Variants in SHE observed in about 807,000 individuals in gnomAD.
The protein encoded by SHE is Src homology 2 domain containing E, also known as SH2 domain-containing adapter protein E.
In SHE, 11 loss-of-function variants were observed where a neutral mutation model predicts 49.8. That is an observed-to-expected ratio of 0.22 (90% CI 0.14 to 0.37). The LOEUF (loss-of-function observed/expected upper bound fraction) is 0.37, where lower values mean the gene tolerates loss of function less well. SHE is among the 10% of genes least tolerant of loss of function. SHE has a pLI of 1.00. For missense variants in SHE, 624 were observed against 655.5 expected, an observed-to-expected ratio of 0.95 and a Z score of 0.52; for synonymous variants, 310 against 278.1, an observed-to-expected ratio of 1.11 and a Z score of -1.14.
At chr1:154,500,906 G>T (rs1692703013) in intron 1 of SHE, among the ~76,000 whole-genome samples, 1 of 152,128 alleles carries the variant, frequency 6.6e-6, no homozygotes, top group African/African-American at 2.4e-5. Flanking sequence ...CAGCAGTCTT[G>T]GAGATTTGCT....
At position 154,489,147 on chromosome 1, in the gene SHE, G is replaced by T. The variant is rs763409228; in HGVS notation, c.928C>A (p.Pro310Thr). 2 of 1,614,036 alleles carry T rather than the reference G, an allele frequency of 1.2e-6. No individual in the cohort carries two copies. The highest frequency in any genetic ancestry group is 1.1e-5 in the South Asian group (1 of 91,076). ...GPRAEGKARP[P>T]DSRLPENDER... ...TCGTTCTCGGGCAGCCGGCTGTCTG[G>T]GGGCCGCGCCTTCCCCTCTGCCCTG... The change falls in exon 3 of 6, where the codon CCA (proline) becomes ACA (threonine). Residue 310 changes from proline to threonine, a missense_variant. Pro to Thr is a conservative substitution (Grantham distance 38, BLOSUM62 -1). Transcript: ENST00000304760.
Position 154,484,090 on chromosome 1 carries a change from TTG to T in SHE, c.*57_*58del. 1 of 1,573,906 alleles carries T rather than the reference TTG, an allele frequency of 6.4e-7. No homozygotes were observed. On this transcript the variant is annotated 3_prime_UTR_variant, in exon 6 of 6. Coordinates refer to ENST00000304760, the MANE Select transcript of SHE (RefSeq NM_001010846.3). ...CCAGCCTTGTCCTCTGAGATGCTGG[TTG>T]TGCGCTGATGATGCCCTTGAAGGTG...
At chr1:154,499,260 C>T in intron 1 of SHE, 22 bp from the exon 2 acceptor site, 22 of 1,608,286 alleles carry the variant, frequency 1.4e-5, no homozygotes, top group Non-Finnish European at 1.9e-5. Context: ...CAAGAGAGGA[C>T]AGTTGCTAAG....
At chr1:154,493,569 G>A (rs917239834) in intron 2 of SHE, among the ~76,000 whole-genome samples, 12 of 152,212 alleles carry the variant, frequency 7.9e-5, no homozygotes, top group African/African-American at 2.9e-4. Context: ...GCTCAGCACT[G>A]ACCTGCACCT....
At position 154,501,774 on chromosome 1, in the gene SHE, A is replaced by G. The variant is rs1473176029; in HGVS notation, c.253T>C (p.Ser85Pro). 1 of 1,564,926 alleles carries G rather than the reference A, an allele frequency of 6.4e-7. No homozygotes were observed. Among genetic ancestry groups the G allele is most frequent in the Admixed American group, 1.8e-5 (1 of 54,816 alleles). The change falls in exon 1 of 6, where the codon TCG becomes CCG. Residue 85 changes from serine (S) to proline (P), a missense_variant. By Grantham distance (74) the Ser-to-Pro change is moderately conservative (BLOSUM62 -1). Coordinates refer to ENST00000304760, the MANE Select transcript of SHE (RefSeq NM_001010846.3). The part of the protein sequence containing the change: ...GPGPGKGRKN[S>P]AAELGSGRAG... ...CTGCCGCTCCCCAGCTCGGCCGCCG[A>G]GTTCTTGCGGCCCTTGCCAGGACCC...
chr1:154,494,734 A>G (rs1277519536), intron 2 of SHE, among the ~76,000 whole-genome samples: 1 of 152,156 alleles, frequency 6.6e-6, no homozygotes, highest in Non-Finnish European at 1.5e-5. Context: ...ATCTTTCTGA[A>G]CCTAGGTTTC....
chr1:154,491,654 T>C (rs1452052779), intron 2 of SHE, among the ~76,000 whole-genome samples: 1 of 152,166 alleles, frequency 6.6e-6, no homozygotes, highest in Non-Finnish European at 1.5e-5. Context: ...TTTATTACTG[T>C]AGGACATATC....
At position 154,501,455 on chromosome 1, in the gene SHE, A is replaced by T. The variant is rs1280761727; in HGVS notation, c.572T>A (p.Ile191Asn). Residue 191 changes from isoleucine (I) to asparagine (N), a missense_variant, in exon 1 of 6, where the codon ATT (isoleucine) becomes AAT (asparagine). By Grantham distance (149) the Ile-to-Asn change is moderately radical. This residue lies in a region of SHE where 337 missense variants were observed against 306.0 expected (regional missense o/e 1.10). Transcript: ENST00000304760. ...SLGPELDKGK[I>N]IKQQETVIIL... ...TCTTACCGTCTCTTGCTGCTTAATA[A>T]TCTTGCCCTTGTCCAGCTCGGGCCC... The T allele has an allele frequency of 1.2e-6, 2 of 1,614,164 alleles. No homozygotes were observed. Among genetic ancestry groups the T allele is most frequent in the Non-Finnish European group, 8.5e-7 (1 of 1,180,020 alleles).
chr1:154,470,258 C>T, exon 2 of SHE: 1 of 1,261,544 alleles, frequency 7.9e-7, no homozygotes, highest in Non-Finnish European at 1.0e-6. Context: ...GGCACTGGAG[C>T]CAGGACGTGG....
intron 1 of SHE, among the ~76,000 whole-genome samples, chr1:154,470,795 G>A (rs571429732): frequency 1.3e-5 from 2 of 152,082 alleles, no homozygotes; most frequent in South Asian, 2.1e-4. Flanking sequence ...AGATGAGATC[G>A]TGCCATTGCA....
At position 154,470,193 on chromosome 1, in the gene SHE, C is replaced by T. The variant is rs916248806; in HGVS notation, c.*148G>A. On this transcript the variant is annotated 3_prime_UTR_variant, in exon 2 of 2. Transcript: ENST00000486773. ...TGTCTTGCAGAAAGTGACACAGGGA[C>T]CAGATGTCACCCAGGTGGCCAGGCT... 1.0e-4 allele frequency: 60 copies of T among 593,780 alleles called. 2 individuals carry two copies. Among genetic ancestry groups the T allele is most frequent in the Non-Finnish European group, 3.0e-5 (11 of 368,856 alleles). 36.8% of individuals were successfully genotyped at this position (593,780 alleles called of 1,614,324 possible).
At chr1:154,469,905 G>T in exon 2 of SHE, 1 of 162,524 alleles carries the variant, frequency 6.2e-6, no homozygotes, top group South Asian at 1.6e-4. Flanking sequence ...GAAAAACTTG[G>T]GACACAGCCA....
intron 2 of SHE, among the ~76,000 whole-genome samples, chr1:154,497,672 A>G (rs1056101827): frequency 1.3e-5 from 2 of 150,740 alleles, no homozygotes; most frequent in Admixed American, 1.3e-4. Flanking sequence ...CACAGCAATG[A>G]TTTTTTTTTC....
At chr1:154,497,696 T>C (rs1349872253) in intron 2 of SHE, among the ~76,000 whole-genome samples, 4 of 152,190 alleles carry the variant, frequency 2.6e-5, no homozygotes, top group Non-Finnish European at 1.5e-5. Context: ...TCTTTTTTTT[T>C]TGAGACAGAG....
At chr1:154,497,616 A>G (rs553627019) in intron 2 of SHE, among the ~76,000 whole-genome samples, 3 of 152,326 alleles carry the variant, frequency 2.0e-5, no homozygotes, top group African/African-American at 7.2e-5. Context: ...AAAAGTTACA[A>G]GATTAGTCTT....
In SHE at chr1:154,483,332, T is replaced by C. The variant is rs878873960; in HGVS notation, c.*817A>G. The C allele has an allele frequency of 4.1e-6, 4 of 985,398 alleles. No individual in the cohort carries two copies. Among genetic ancestry groups the C allele is most frequent in the Non-Finnish European group, 4.8e-6 (4 of 829,914 alleles). The allele number at this position is 985,398 out of a possible 1,614,324, so 61.0% of individuals were successfully genotyped here. A position where few individuals can be genotyped will look rare whatever the true frequency, so the allele number is the denominator to read the frequency against. On this transcript the variant is annotated 3_prime_UTR_variant, in exon 6 of 6. Coordinates refer to ENST00000304760, the MANE Select transcript of SHE (RefSeq NM_001010846.3). ...ATTTCCATGAACTCCAGAGCTGAATTAGGACTTCTGAGGGAGAAAGACCAC... is the reference window on the plus strand; with the variant it reads ...ATTTCCATGAACTCCAGAGCTGAATCAGGACTTCTGAGGGAGAAAGACCAC...
rs751979473 is a variant in SHE at position 154,489,197 on chromosome 1, G to T, written c.878C>A (p.Pro293His). Residue 293 changes from proline (P) to histidine (H), a missense_variant, in exon 3 of 6, where the codon CCC becomes CAC. Pro to His is a moderately conservative substitution (Grantham distance 77). Around this residue, in one of 4 missense-constraint regions of SHE, gnomAD observed 155 missense variants for 142.0 expected, o/e 1.09. Coordinates refer to ENST00000304760, the MANE Select transcript of SHE (RefSeq NM_001010846.3). ...GGGCCCCCCTTCTGCAGGCTCGTAG[G>T]GAGTGTCGTATAGCTGTGGCGGCTT... Reference protein sequence around the residue: ...LGKPPQLYDTPYEPAEGGPRA... With the variant: ...LGKPPQLYDTHYEPAEGGPRA... 2.5e-6 allele frequency: 4 copies of T among 1,614,208 alleles called. No homozygotes were observed. The highest frequency in any genetic ancestry group is 3.4e-6 in the Non-Finnish European group (4 of 1,180,040).
At chr1:154,498,848 C>G (rs1023633907) in intron 2 of SHE, among the ~76,000 whole-genome samples, 8 of 152,214 alleles carry the variant, frequency 5.3e-5, no homozygotes, top group South Asian at 2.1e-4. Flanking sequence ...CTGAGCAGAT[C>G]TGCACTCATA....
intron 2 of SHE, among the ~76,000 whole-genome samples, chr1:154,490,578 G>A (rs535008679): frequency 4.1e-4 from 63 of 152,332 alleles, no homozygotes; most frequent in African/African-American, 1.3e-3. Context: ...GAAGCTGCAT[G>A]AGTGAAGATA....
Sources: gnomAD v4.1 joint callset for allele counts (sites outside exome capture counted in the v4.1 genomes callset) on GRCh38, gnomAD v4.1.1 for gene constraint, gnomAD v4.1.1 regional missense constraint, MANE v1.5 for transcripts, NCBI Gene and HGNC (gene_info 2026-07-23, HGNC 2026-07-21) for gene names.